Variants in M1AP observed in about 807,000 individuals in gnomAD.
The protein encoded by M1AP is meiosis 1 associated protein.
M1AP carries 39 observed loss-of-function variants against 51.2 expected under a neutral mutation model. The observed-to-expected ratio is 0.76, with a 90% CI of 0.59 to 1.00. M1AP has a LOEUF of 1.00. Among genes scored for constraint, M1AP ranks in the 50% least tolerant of loss-of-function variants. The pLI is 0.00. For missense variants in M1AP, 545 were observed against 641.2 expected (o/e 0.85, Z 1.62); for synonymous variants, 251 against 249.2 (o/e 1.01, Z -0.07).
At chr2:74,632,090 G>A (rs970150721) in intron 2 of M1AP, among the ~76,000 whole-genome samples, 16 of 152,130 alleles carry the variant, frequency 1.1e-4, no homozygotes, top group African/African-American at 4.8e-5. Flanking sequence ...CTTATTGTTC[G>A]GTTGGAAAGA....
Position 74,607,106 on chromosome 2 carries a change from T to C in M1AP, c.544A>G (p.Ile182Val). 2 of 1,614,220 alleles carry C rather than the reference T, an allele frequency of 1.2e-6. No individual in the cohort carries two copies. The highest frequency in any genetic ancestry group is 2.7e-5 in the African/African-American group (2 of 75,064). The change falls in exon 4 of 11, where the codon ATC becomes GTC. Residue 182 changes from isoleucine to valine, a missense_variant. Transcript: ENST00000421985. ...GACGCTGAGTCCACGTGCTCTAGGA[T>C]TCCCTTTGTGACCTCAACGACCTGA... is the stretch of plus-strand genomic sequence containing the variant. ...RFQVVEVTKGILEHVDSASPV... is the reference protein window; with the variant it reads ...RFQVVEVTKGVLEHVDSASPV...
At chr2:74,621,163 T>C (rs1346551904) in intron 2 of M1AP, among the ~76,000 whole-genome samples, 2 of 149,864 alleles carry the variant, frequency 1.3e-5, no homozygotes, top group Admixed American at 1.3e-4. Context: ...GCGCCTGTAG[T>C]CCCACCTACT....
intron 4 of M1AP, among the ~76,000 whole-genome samples, chr2:74,583,029 TAAATA>T (rs1286791579): frequency 6.6e-6 from 1 of 150,652 alleles, no homozygotes; most frequent in Admixed American, 6.6e-5. Flanking sequence ...AATAAATAAA[TAAATA>T]AAATAAATAA....
chr2:74,642,187 G>A (rs1194143886), intron 1 of M1AP, among the ~76,000 whole-genome samples: 3 of 151,858 alleles, frequency 2.0e-5, no homozygotes, highest in Admixed American at 1.3e-4. Flanking sequence ...AGATAAAGGT[G>A]TAATAAGAAA....
intron 4 of M1AP, 113 bp downstream of exon 4, chr2:74,606,942 G>C (rs568303431): frequency 6.1e-6 from 4 of 652,216 alleles, no homozygotes; most frequent in African/African-American, 5.5e-5. Context: ...TGTGCACAAC[G>C]TGCAGGTTTG....
At chr2:74,578,239 C>T (rs184678996) in intron 5 of M1AP, among the ~76,000 whole-genome samples, 1 of 152,312 alleles carries the variant, frequency 6.6e-6, no homozygotes, top group African/African-American at 2.4e-5. Flanking sequence ...GAATCAGGGT[C>T]TCTGGGGGTG....
chr2:74,614,120 C>T (rs951844272), intron 3 of M1AP, among the ~76,000 whole-genome samples: 5 of 152,150 alleles, frequency 3.3e-5, no homozygotes, highest in African/African-American at 1.2e-4. Context: ...CTACACCTAG[C>T]CTGTAGCAAT....
At position 74,562,207 on chromosome 2, in the gene M1AP, C is replaced by A. The variant is rs889098780; in HGVS notation, c.1281+10G>T. The A allele has an allele frequency of 6.2e-7, 1 of 1,600,844 alleles. No individual in the cohort carries two copies. Among genetic ancestry groups the A allele is most frequent in the African/African-American group, 1.3e-5 (1 of 74,778 alleles). On this transcript the variant is annotated intron_variant, in intron 8 of 10. Transcript: ENST00000421985. ...CTAGATCTGTCCCATGAGATCTGGG[C>A]TCCACTTGCCTCCACATTCTTAAGG... is the stretch of plus-strand genomic sequence containing the variant.
At chr2:74,562,158 C>G (rs1468670996) in intron 8 of M1AP, 59 bp downstream of exon 8, 1 of 1,546,446 alleles carries the variant, frequency 6.5e-7, no homozygotes, top group Non-Finnish European at 8.7e-7. Context: ...TCTCCCTCAT[C>G]CCTTTCTCAA....
chr2:74,621,430 C>T (rs946277146), intron 2 of M1AP, among the ~76,000 whole-genome samples: 8 of 152,104 alleles, frequency 5.3e-5, no homozygotes, highest in African/African-American at 1.2e-4. Context: ...TGAGACGTGG[C>T]TACTCTAACT....
rs765017398 is a variant in M1AP, at chr2:74,575,503, G to T, written c.1009C>A (p.Gln337Lys). ...PFILRPTSCW[Q>K]LDWDELETNQ... Reference sequence around the variant, plus strand: ...GTCTCCAGCTCATCCCAGTCCAGCTGCCAACAGCTTGTAGGTCTGAGGATG... The same window carrying T: ...GTCTCCAGCTCATCCCAGTCCAGCTTCCAACAGCTTGTAGGTCTGAGGATG... The change falls in exon 7 of 11, where the codon CAG becomes AAG. Residue 337 changes from glutamine (Q) to lysine (K), a missense_variant. Coordinates refer to ENST00000421985, the MANE Select transcript of M1AP (RefSeq NM_001321739.2). 5.6e-6 allele frequency: 9 copies of T among 1,614,140 alleles called. No homozygotes were observed. The South Asian group carries it at 8.8e-5, about 16-fold the overall frequency.
At chr2:74,561,737 CA>C (rs1036587928) in intron 8 of M1AP, among the ~76,000 whole-genome samples, 1 of 152,158 alleles carries the variant, frequency 6.6e-6, no homozygotes, top group African/African-American at 2.4e-5. Context: ...TGCGCAAAGA[CA>C]AAACCAAACC....
At position 74,558,570 on chromosome 2, in the gene M1AP, C is replaced by T; in HGVS notation, c.*146G>A. On this transcript the variant is annotated 3_prime_UTR_variant, in exon 11 of 11. Transcript: ENST00000421985. ...CTTGAGGAGTGGGACAGCACTGAAA[C>T]AGGACAGGAAGGCTGTTGTTTCCCA... The T allele has an allele frequency of 4.5e-6, 4 of 896,788 alleles. No individual in the cohort carries two copies. The highest frequency in any genetic ancestry group is 6.6e-4 in the Middle Eastern group (2 of 3,038). The allele number at this position is 896,788 out of a possible 1,614,324, so 55.6% of individuals were successfully genotyped here. A position where few individuals can be genotyped will look rare whatever the true frequency, so the allele number is the denominator to read the frequency against.
rs1057061323 is a variant in M1AP, at chr2:74,616,439, A to G, written c.241-1290T>C. 5.3e-5 allele frequency among the ~76,000 whole-genome samples: 8 copies of G among 152,210 alleles called. No individual in the cohort carries two copies. In the South Asian group the frequency reaches 1.7e-3, roughly 31 times the overall value. ...GGTGATTTGATACTCACCATTATTC[A>G]GTGTTAAAAGTACATGAACAAGCTC... On this transcript the variant is annotated intron_variant, in intron 2 of 10. Coordinates refer to ENST00000421985, the MANE Select transcript of M1AP (RefSeq NM_001321739.2).
chr2:74,625,352 CA>C (rs1682319917), intron 2 of M1AP, among the ~76,000 whole-genome samples: 3 of 152,176 alleles, frequency 2.0e-5, no homozygotes, highest in Admixed American at 2.0e-4. Context: ...TATTTTTCCT[CA>C]TAGCTATTTA....
rs569828446 is a variant in M1AP, at chr2:74,598,447, A to G, written c.595+8608T>C. 2.0e-5 allele frequency among the ~76,000 whole-genome samples: 3 copies of G among 152,106 alleles called. No homozygotes were observed. In the East Asian group the frequency reaches 5.8e-4, roughly 29 times the overall value. On this transcript the variant is annotated intron_variant, in intron 4 of 10. Coordinates refer to ENST00000421985, the MANE Select transcript of M1AP (RefSeq NM_001321739.2). The stretch of plus-strand genomic sequence containing the variant: ...TTTGTTACTTTAAATAACACTTTAT[A>G]ATTTTAGTTTTGAGCTTTATAAATA...
intron 2 of M1AP, among the ~76,000 whole-genome samples, chr2:74,638,832 G>C (rs1683130491): frequency 6.6e-6 from 1 of 152,214 alleles, no homozygotes; most frequent in South Asian, 2.1e-4. Flanking sequence ...GTAACTATGA[G>C]ATGATGTTTA....
chr2:74,602,531 C>T (rs1390497802), intron 4 of M1AP, among the ~76,000 whole-genome samples: 1 of 152,154 alleles, frequency 6.6e-6, no homozygotes, highest in East Asian at 1.9e-4. Flanking sequence ...AATACCTTGC[C>T]TAAAGTTGCA....
At chr2:74,633,550 G>C (rs1682816899) in intron 2 of M1AP, among the ~76,000 whole-genome samples, 1 of 152,022 alleles carries the variant, frequency 6.6e-6, no homozygotes, top group Non-Finnish European at 1.5e-5. Flanking sequence ...CAGGCTCCTT[G>C]GCTATATATT....
Sources: gnomAD v4.1 joint callset for allele counts (sites outside exome capture counted in the v4.1 genomes callset) on GRCh38, gnomAD v4.1.1 for gene constraint, MANE v1.5 for transcripts, NCBI Gene and HGNC (gene_info 2026-07-23, HGNC 2026-07-21) for gene names.